TTK: variants seen among roughly 807,000 people sequenced by gnomAD.
TTK encodes the protein dual specificity protein kinase TTK.
A neutral mutation model predicts 117.3 loss-of-function variants in TTK; 59 were observed. The observed-to-expected ratio is 0.50, with a 90% CI of 0.41 to 0.62. TTK has a LOEUF of 0.62. Among genes scored for constraint, TTK ranks in the 20% least tolerant of loss-of-function variants. TTK has a pLI of 0.00. For missense variants in TTK, 921 were observed against 989.4 expected (o/e 0.93, Z 0.93); for synonymous variants, 302 against 325.0 (o/e 0.93, Z 0.76).
chr6:80,033,134 A>G (rs1254802285), intron 14 of TTK, among the ~76,000 whole-genome samples: 1 of 152,176 alleles, frequency 6.6e-6, no homozygotes, highest in Non-Finnish European at 1.5e-5. Flanking sequence ...CTCAACCTCC[A>G]GCCTTTGGTA....
At chr6:80,021,414 A>G (rs888300262) in intron 10 of TTK, among the ~76,000 whole-genome samples, 14 of 152,212 alleles carry the variant, frequency 9.2e-5, no homozygotes, top group Admixed American at 5.2e-4. Flanking sequence ...CCCTCAAAAC[A>G]CACAGTTCCT....
At position 80,026,576 on chromosome 6, in the gene TTK, T is replaced by C. The variant is rs1303905372; in HGVS notation, c.1394+62T>C. On this transcript the variant is annotated intron_variant, in intron 12 of 21. Transcript: ENST00000369798. ...GTATGATAGAATTAACATGGGCTTC[T>C]GGGCCAAATAAATCTGGGATTAAAT... 3.1e-6 allele frequency: 5 copies of C among 1,588,358 alleles called. No homozygotes were observed. In the Admixed American group the frequency reaches 9.4e-5, roughly 30 times the overall value.
chr6:80,040,280 G>T lies in TTK; in HGVS notation c.2392G>T (p.Val798Phe). Reference protein sequence around the residue: ...HPYVQIQTHPVNQMAKGTTEE... With the variant: ...HPYVQIQTHPFNQMAKGTTEE... ...ATATGTTCAAATTCAAACTCATCCA[G>T]GTACTACTTCTTTAAAAATTTGTTT... Residue 798 changes from valine to phenylalanine, a missense_variant and splice_region_variant, in exon 20 of 22, where the codon GTT (valine) becomes TTT (phenylalanine). By Grantham distance (50) the Val-to-Phe change is conservative. Transcript: ENST00000369798. The T allele has an allele frequency of 6.4e-7, 1 of 1,573,548 alleles. No individual in the cohort carries two copies. Among genetic ancestry groups the T allele is most frequent in the Non-Finnish European group, 8.6e-7 (1 of 1,163,246 alleles).
chr6:80,016,444 G>A (rs239570), intron 10 of TTK, among the ~76,000 whole-genome samples: 93,995 of 151,954 alleles, frequency 0.62, 29,510 homozygotes, highest in Admixed American at 0.73. Flanking sequence ...TTTGCATTTT[G>A]CATTTCCTTA....
At chr6:80,037,578 A>G (rs1261994729) in intron 17 of TTK, 1 of 153,158 alleles carries the variant, frequency 6.5e-6, no homozygotes, top group African/African-American at 2.4e-5. Flanking sequence ...AAGTCCCTCA[A>G]TGGCCTCAAA....
chr6:80,011,705 TGGG>T (rs779940834), intron 6 of TTK, 21 bp from the exon 7 acceptor site: 51 of 1,610,314 alleles, frequency 3.2e-5, no homozygotes, highest in Non-Finnish European at 4.2e-5. Context: ...TTTGAAAAAT[TGGG>T]GGTATTTTCT....
At chr6:80,017,083 A>G (rs566261903) in intron 10 of TTK, among the ~76,000 whole-genome samples, 44 of 152,314 alleles carry the variant, frequency 2.9e-4, no homozygotes, top group Non-Finnish European at 5.6e-4. Flanking sequence ...TCTGATTTAT[A>G]TCTTTCCTGA....
chr6:80,013,280 C>G lies in TTK; in HGVS notation c.898C>G (p.Gln300Glu). ...ATTATTTTGTTTCACGGGTAAAAGA[C>G]AAACCTCTAGATCAGAATGCCGAGA... ...DSVVPCFMKR[Q>E]TSRSECRDLV... is the part of the protein sequence containing the mutation. Residue 300 changes from glutamine to glutamate, a missense_variant and splice_region_variant, in exon 9 of 22, where the codon CAA becomes GAA. Gln to Glu is a conservative substitution (Grantham distance 29). Coordinates refer to ENST00000369798, the MANE Select transcript of TTK (RefSeq NM_003318.5). 1 of 1,585,478 alleles carries G rather than the reference C, an allele frequency of 6.3e-7. No individual in the cohort carries two copies. Among genetic ancestry groups the G allele is most frequent in the Non-Finnish European group, 8.5e-7 (1 of 1,171,076 alleles).
intron 11 of TTK, among the ~76,000 whole-genome samples, chr6:80,023,725 T>C (rs1562018627): frequency 6.6e-6 from 1 of 152,222 alleles, no homozygotes; most frequent in Non-Finnish European, 1.5e-5. Context: ...TTTTTACAAA[T>C]CTAATGATTG....
chr6:80,013,185 A>G (rs1260749057), intron 8 of TTK, 94 bp from the exon 9 acceptor site: 1 of 968,276 alleles, frequency 1.0e-6, no homozygotes, highest in Non-Finnish European at 1.6e-6. Context: ...AAAAGTATGT[A>G]TATTATTAAA....
chr6:80,031,452 ATTTTAC>A lies in TTK; in HGVS notation c.1522-12_1522-7del. The A allele has an allele frequency of 6.9e-7, 1 of 1,448,706 alleles. No homozygotes were observed. Among genetic ancestry groups the A allele is most frequent in the Non-Finnish European group, 9.1e-7 (1 of 1,094,070 alleles). 89.7% of individuals were successfully genotyped at this position (1,448,706 alleles called of 1,614,324 possible). ...TATATTGATTAACTTTTATTTATATATTTTACTTATTTAGGTTTTAGCATCTTCTTC... is the reference window on the plus strand; with the variant it reads ...TATATTGATTAACTTTTATTTATATATTATTTAGGTTTTAGCATCTTCTTC... On this transcript the variant is annotated splice_polypyrimidine_tract_variant and intron_variant, in intron 13 of 21. Transcript: ENST00000369798.
chr6:80,028,264 T>C (rs896236295), intron 13 of TTK, among the ~76,000 whole-genome samples: 1 of 151,890 alleles, frequency 6.6e-6, no homozygotes, highest in African/African-American at 2.4e-5. Context: ...ATAAAATTTC[T>C]CTTATGAATC....
chr6:80,021,974 A>C (rs552307485), intron 10 of TTK, among the ~76,000 whole-genome samples: 1 of 152,300 alleles, frequency 6.6e-6, no homozygotes, highest in East Asian at 1.9e-4. Flanking sequence ...AGGGTTGGAT[A>C]CTCGGTCTAT....
At position 80,035,287 on chromosome 6, in the gene TTK, C is replaced by T. The variant is rs143916490; in HGVS notation, c.1794C>T (p.Ile598=). ...LYDYEITDQY[I]YMVMECGNID... ...GCAGTGAAATCACGGACCAGTACAT[C>T]TACATGGTAATGGAGTGTGGAAATA... The change falls in exon 16 of 22, where the codon ATC becomes ATT. Residue 598 remains isoleucine, a synonymous_variant. Transcript: ENST00000369798. 3.1e-5 allele frequency: 49 copies of T among 1,605,172 alleles called. No individual in the cohort carries two copies. In the African/African-American group the frequency reaches 5.4e-4, roughly 18 times the overall value.
chr6:80,037,966 G>A lies in TTK; in HGVS notation c.2050-1G>A. ...TGTGTTTTCTCTGACTTGGCATATA[G>A]GTTGGCACAGTTAATTATATGCCAC... is the stretch of plus-strand genomic sequence containing the variant. On this transcript the variant is annotated splice_acceptor_variant, in intron 17 of 21. Coordinates refer to ENST00000369798, the MANE Select transcript of TTK (RefSeq NM_003318.5). LOFTEE classifies it high-confidence loss of function. The A allele has an allele frequency of 6.3e-7, 1 of 1,599,332 alleles. No homozygotes were observed. Among genetic ancestry groups the A allele is most frequent in the Non-Finnish European group, 8.5e-7 (1 of 1,172,014 alleles).
At chr6:80,033,445 T>G (rs1320645596) in intron 14 of TTK, among the ~76,000 whole-genome samples, 1 of 152,160 alleles carries the variant, frequency 6.6e-6, no homozygotes, top group African/African-American at 2.4e-5. Context: ...ATTTACTTAT[T>G]TGGTTTGTTG....
intron 14 of TTK, among the ~76,000 whole-genome samples, chr6:80,032,581 T>C (rs1767787897): frequency 6.6e-6 from 1 of 152,230 alleles, no homozygotes; most frequent in Non-Finnish European, 1.5e-5. Context: ...ACACAACTCT[T>C]GCTCCATAGC....
intron 2 of TTK, 35 bp from the exon 3 acceptor site, chr6:80,007,774 C>A: frequency 4.5e-6 from 7 of 1,548,236 alleles, no homozygotes; most frequent in Non-Finnish European, 6.1e-6. Flanking sequence ...TGTTTTATGT[C>A]TTTTCTTGTG....
intron 13 of TTK, among the ~76,000 whole-genome samples, 198 bp from the exon 14 acceptor site, chr6:80,031,269 G>A (rs1767753341): frequency 6.6e-6 from 1 of 151,602 alleles, no homozygotes; most frequent in Non-Finnish European, 1.5e-5. Context: ...TAAAGGGGGA[G>A]ACCTTGGAAG....
Sources: allele counts gnomAD v4.1 joint callset (sites outside exome capture counted in the v4.1 genomes callset), GRCh38; gene constraint gnomAD v4.1.1; transcripts MANE v1.5; gene names NCBI Gene and HGNC (gene_info 2026-07-23, HGNC 2026-07-21).